RMI1: variants seen among roughly 807,000 people sequenced by gnomAD.
The protein encoded by RMI1 is recQ-mediated genome instability protein 1.
A neutral mutation model predicts 46.7 loss-of-function variants in RMI1; 36 were observed. The observed-to-expected ratio is 0.77, with a 90% CI of 0.59 to 1.02. The LOEUF is 1.02. RMI1 is among the 50% of genes least tolerant of loss of function. RMI1 has a pLI of 0.00. For synonymous variants in RMI1, 250 were observed against 252.9 expected, an observed-to-expected ratio of 0.99 and a Z score of 0.11; for missense variants, 676 against 713.7, an observed-to-expected ratio of 0.95 and a Z score of 0.60.
At chr9:83,995,360 A>G (rs1432001865) in intron 1 of RMI1, among the ~76,000 whole-genome samples, 4 of 151,604 alleles carry the variant, frequency 2.6e-5, no homozygotes, top group Non-Finnish European at 5.9e-5. Context: ...CTGAAATTGC[A>G]ATTATTTCAC....
At chr9:83,981,532 TC>T (rs1957395681) in intron 1 of RMI1, among the ~76,000 whole-genome samples, 1 of 152,172 alleles carries the variant, frequency 6.6e-6, no homozygotes, top group Non-Finnish European at 1.5e-5. Flanking sequence ...TTTCATGACT[TC>T]CTTTGTTAAG....
intron 1 of RMI1, among the ~76,000 whole-genome samples, chr9:83,986,291 T>C (rs1365620678): frequency 6.6e-6 from 1 of 152,218 alleles, no homozygotes; most frequent in African/African-American, 2.4e-5. Context: ...TTAGAATGCA[T>C]TAGATGGGCT....
At position 84,001,797 on chromosome 9, in the gene RMI1, A is replaced by G. The variant is rs377216938; in HGVS notation, c.811A>G (p.Thr271Ala). The change falls in exon 3 of 3, where the codon ACA (threonine) becomes GCA (alanine). Residue 271 changes from threonine to alanine, a missense_variant. By Grantham distance (58) the Thr-to-Ala change is moderately conservative. Transcript: ENST00000445877. Reference protein sequence around the residue: ...NDTSSERCFTTGSSSNTIPTR... With the variant: ...NDTSSERCFTAGSSSNTIPTR... ...CACTTCCTCAGAACGATGTTTCACC[A>G]CAGGTAGTTCCTCAAATACCATTCC... The G allele has an allele frequency of 1.3e-4, 204 of 1,613,950 alleles. No homozygotes were observed. The highest frequency in any genetic ancestry group is 1.7e-4 in the Non-Finnish European group (197 of 1,179,966).
chr9:83,989,223 CTG>C (rs1227186803), intron 1 of RMI1, among the ~76,000 whole-genome samples: 2 of 152,138 alleles, frequency 1.3e-5, no homozygotes, highest in African/African-American at 4.8e-5. Context: ...AGACCTGAAA[CTG>C]TGAAACTACT....
chr9:83,993,539 T>G (rs547015530), intron 1 of RMI1, among the ~76,000 whole-genome samples: 1 of 152,278 alleles, frequency 6.6e-6, no homozygotes, highest in Admixed American at 6.5e-5. Flanking sequence ...CTAGTTTTAA[T>G]TTTTTGAGGA....
intron 1 of RMI1, among the ~76,000 whole-genome samples, chr9:83,987,039 GCTGGGT>G (rs1957500910): frequency 6.6e-6 from 1 of 152,106 alleles, no homozygotes; most frequent in Non-Finnish European, 1.5e-5. Flanking sequence ...AAGAGCCATG[GCTGGGT>G]TCCTTCCCTC....
At chr9:84,000,478 A>G (rs567400815) in intron 2 of RMI1, among the ~76,000 whole-genome samples, 1 of 152,230 alleles carries the variant, frequency 6.6e-6, no homozygotes, top group East Asian at 1.9e-4. Context: ...AAAAAATAAT[A>G]TATATTAAGT....
At chr9:83,990,669 T>C (rs1341823628) in intron 1 of RMI1, among the ~76,000 whole-genome samples, 1 of 152,210 alleles carries the variant, frequency 6.6e-6, no homozygotes, top group Non-Finnish European at 1.5e-5. Flanking sequence ...ATATCCTAAT[T>C]ACCCTGATTT....
chr9:84,001,058 G>T lies in RMI1; in HGVS notation c.72G>T (p.Pro24=), dbSNP rs377686635. The T allele has an allele frequency of 2.5e-6, 4 of 1,613,868 alleles. No individual in the cohort carries two copies. The highest frequency in any genetic ancestry group is 3.4e-6 in the Non-Finnish European group (4 of 1,179,950). ...LLAAWHVKVP[P]MWLEACINWI... ...CTGCATGGCATGTTAAAGTACCTCC[G>T]ATGTGGCTGGAAGCTTGTATTAACT... The change falls in exon 3 of 3, where the codon CCG becomes CCT. Residue 24 remains proline (P), a synonymous_variant. Coordinates refer to ENST00000445877, the MANE Select transcript of RMI1 (RefSeq NM_001358291.2).
At chr9:83,980,572 T>C (rs1957348033), upstream of RMI1, 2 of 152,842 alleles carry the variant, frequency 1.3e-5, no homozygotes, top group Non-Finnish European at 2.9e-5. Context: ...CAGAGGATAA[T>C]GGCGTCTGCA....
At chr9:83,982,128 A>T (rs1446083637) in intron 1 of RMI1, among the ~76,000 whole-genome samples, 1 of 152,246 alleles carries the variant, frequency 6.6e-6, no homozygotes, top group Non-Finnish European at 1.5e-5. Context: ...TTCAAAACTG[A>T]TGAGTTTATG....
At chr9:83,981,372 A>G (rs1957388757) in intron 1 of RMI1, among the ~76,000 whole-genome samples, 1 of 152,238 alleles carries the variant, frequency 6.6e-6, no homozygotes, top group Non-Finnish European at 1.5e-5. Context: ...AATACGTTGC[A>G]GACCTCCACG....
rs146219782 is a variant in RMI1, at chr9:84,001,983, A to G, written c.997A>G (p.Thr333Ala). ...AACTGTCCAGAAAGAACAGATGGAA[A>G]CTAAGGAATTGCAACCATTGACTTT... ...EETVQKEQME[T>A]KELQPLTFNR... The change falls in exon 3 of 3, where the codon ACT (threonine) becomes GCT (alanine). Residue 333 changes from threonine to alanine, a missense_variant. Thr to Ala is a moderately conservative substitution (Grantham distance 58). Transcript: ENST00000445877. The G allele has an allele frequency of 6.4e-4, 1,030 of 1,613,858 alleles. 11 individuals are homozygous for G. The African/African-American group carries it at 0.012, about 19-fold the overall frequency.
At chr9:83,993,322 A>G (rs777256110) in intron 1 of RMI1, among the ~76,000 whole-genome samples, 2 of 152,172 alleles carry the variant, frequency 1.3e-5, no homozygotes, top group Non-Finnish European at 2.9e-5. Context: ...GTGGCATATG[A>G]TAGGATTTAC....
chr9:83,997,949 C>T (rs1957682662), intron 1 of RMI1, among the ~76,000 whole-genome samples: 3 of 151,832 alleles, frequency 2.0e-5, no homozygotes, highest in South Asian at 2.1e-4. Context: ...GCATGCACCA[C>T]CATGCTCAGG....
At chr9:83,984,799 G>A (rs1957467694) in intron 1 of RMI1, among the ~76,000 whole-genome samples, 1 of 152,220 alleles carries the variant, frequency 6.6e-6, no homozygotes, top group Middle Eastern at 3.4e-3. Context: ...CTGACCTCAG[G>A]TGATCCACCT....
At chr9:83,986,425 T>G (rs912392606) in intron 1 of RMI1, among the ~76,000 whole-genome samples, 2 of 152,122 alleles carry the variant, frequency 1.3e-5, no homozygotes, top group African/African-American at 4.8e-5. Context: ...GAGGGACTGG[T>G]TTTACTTCCT....
Position 84,001,094 on chromosome 9 carries a change from A to G in RMI1, c.108A>G (p.Glu36=). 1 of 1,614,132 alleles carries G rather than the reference A, an allele frequency of 6.2e-7. No individual in the cohort carries two copies. Among genetic ancestry groups the G allele is most frequent in the Non-Finnish European group, 8.5e-7 (1 of 1,179,978 alleles). Residue 36 remains glutamate (E), a synonymous_variant, in exon 3 of 3, where the codon GAA becomes GAG. Transcript: ENST00000445877. ...WLEACINWIQ[E]ENNNVNLSQA... ...AAGCTTGTATTAACTGGATTCAAGA[A>G]GAAAATAATAATGTTAACTTGAGTC... is the stretch of plus-strand genomic sequence containing the variant.
chr9:83,995,304 A>T (rs1415552608), intron 1 of RMI1, among the ~76,000 whole-genome samples: 2 of 151,550 alleles, frequency 1.3e-5, no homozygotes, highest in Non-Finnish European at 2.9e-5. Flanking sequence ...GGCCTCAACC[A>T]TTACTTTTTA....
Sources: allele counts gnomAD v4.1 joint callset (sites outside exome capture counted in the v4.1 genomes callset), GRCh38; gene constraint gnomAD v4.1.1; transcripts MANE v1.5; gene names NCBI Gene and HGNC (gene_info 2026-07-23, HGNC 2026-07-21).